Variants in PDE11A observed in about 807,000 individuals in gnomAD.
PDE11A encodes the protein dual 3',5'-cyclic-AMP and -GMP phosphodiesterase 11A.
Under a neutral mutation model 100.5 loss-of-function variants are expected in PDE11A, and 100 were observed. The ratio of observed to expected loss-of-function variants is 1.00; its 90% confidence interval spans 0.85 to 1.18. The LOEUF (loss-of-function observed/expected upper bound fraction) is 1.18. Among genes scored for constraint, PDE11A ranks in the 50% most tolerant of loss-of-function variants. The pLI is 0.00. For synonymous variants in PDE11A, 381 were observed against 420.8 expected (o/e 0.91, Z 1.16); for missense variants, 1,141 against 1,152.6 (o/e 0.99, Z 0.15).
chr2:177,797,251 C>G (rs1344955156), intron 9 of PDE11A: 1 of 152,122 alleles, frequency 6.6e-6, no homozygotes, highest in African/African-American at 2.4e-5. Flanking sequence ...TCAAAAGAGC[C>G]CTTGCGGTAC....
intron 19 of PDE11A, among the ~76,000 whole-genome samples, chr2:177,662,710 T>C (rs1305138654): frequency 6.6e-6 from 1 of 152,218 alleles, no homozygotes. Context: ...TAAGCAGTTG[T>C]AGATTATTTT....
At chr2:177,944,607 C>G (rs923239916) in intron 2 of PDE11A, among the ~76,000 whole-genome samples, 2 of 152,214 alleles carry the variant, frequency 1.3e-5, no homozygotes, top group African/African-American at 4.8e-5. Flanking sequence ...ATTGCTTGAT[C>G]TGTTACACAA....
chr2:177,717,351 C>T (rs909626483), intron 12 of PDE11A, among the ~76,000 whole-genome samples: 5 of 151,558 alleles, frequency 3.3e-5, no homozygotes, highest in African/African-American at 9.7e-5. Flanking sequence ...CAGGCCTGCA[C>T]GTACTGATAT....
At chr2:177,759,834 T>C (rs1378726670) in intron 10 of PDE11A, among the ~76,000 whole-genome samples, 2 of 152,218 alleles carry the variant, frequency 1.3e-5, no homozygotes, top group Non-Finnish European at 1.5e-5. Flanking sequence ...ACATTACGTA[T>C]TAATTGCCCA....
At chr2:177,804,443 G>C (rs988277506) in intron 9 of PDE11A, among the ~76,000 whole-genome samples, 1 of 151,944 alleles carries the variant, frequency 6.6e-6, no homozygotes, top group African/African-American at 2.4e-5. Context: ...ATATTGGCAA[G>C]GAGGCGGAGA....
chr2:177,638,104 A>G (rs2080078640), intron 19 of PDE11A, among the ~76,000 whole-genome samples: 1 of 146,604 alleles, frequency 6.8e-6, no homozygotes, highest in Admixed American at 6.9e-5. Flanking sequence ...GGTTCACGCC[A>G]TTCTCCTGCC....
chr2:178,044,138 AT>A, intron 1 of PDE11A, among the ~76,000 whole-genome samples: 1 of 152,104 alleles, frequency 6.6e-6, no homozygotes, highest in Non-Finnish European at 1.5e-5. Flanking sequence ...ATTAGCAAAG[AT>A]TGACTTCTGC....
At chr2:177,787,997 A>G in intron 9 of PDE11A, among the ~76,000 whole-genome samples, 1 of 151,990 alleles carries the variant, frequency 6.6e-6, no homozygotes, top group Non-Finnish European at 1.5e-5. Context: ...AAAGTTAACA[A>G]GGATACCCAG....
At chr2:177,736,812 A>C in intron 10 of PDE11A, among the ~76,000 whole-genome samples, 1 of 152,184 alleles carries the variant, frequency 6.6e-6, no homozygotes, top group East Asian at 1.9e-4. Context: ...TCTTCCTCCC[A>C]TGGAAGAGCG....
intron 19 of PDE11A, among the ~76,000 whole-genome samples, chr2:177,655,437 A>G (rs1006618140): frequency 6.6e-6 from 1 of 152,212 alleles, no homozygotes; most frequent in Non-Finnish European, 1.5e-5. Context: ...ATTATCATGC[A>G]TAATGTTGGA....
At chr2:177,939,043 G>A (rs981950170) in intron 2 of PDE11A, among the ~76,000 whole-genome samples, 14 of 152,172 alleles carry the variant, frequency 9.2e-5, no homozygotes, top group Admixed American at 7.9e-4. Flanking sequence ...CTCTAGAACC[G>A]TGAGGAAATA....
intron 1 of PDE11A, among the ~76,000 whole-genome samples, chr2:178,016,645 A>T (rs1574343645): frequency 6.6e-6 from 1 of 152,154 alleles, no homozygotes; most frequent in Admixed American, 6.5e-5. Flanking sequence ...TTTTATAGGG[A>T]TCAAGGAAGT....
chr2:177,770,446 C>T (rs945090297), intron 9 of PDE11A, among the ~76,000 whole-genome samples: 2 of 152,236 alleles, frequency 1.3e-5, no homozygotes, highest in Admixed American at 1.3e-4. Flanking sequence ...AGTTAAAAAC[C>T]CCAATTCGCA....
intron 3 of PDE11A, 63 bp from the exon 4 acceptor site, chr2:177,898,261 C>T: frequency 8.9e-7 from 1 of 1,117,400 alleles, no homozygotes; most frequent in Admixed American, 1.9e-5. Flanking sequence ...TGCTTTTCTT[C>T]TTAAAATTTA....
chr2:177,857,793 A>G (rs556657846), intron 5 of PDE11A, among the ~76,000 whole-genome samples: 1 of 152,118 alleles, frequency 6.6e-6, no homozygotes, highest in African/African-American at 2.4e-5. Context: ...TACAAGGGAC[A>G]TACTTTAGAT....
intron 4 of PDE11A, among the ~76,000 whole-genome samples, chr2:177,892,338 C>G (rs1478381286): frequency 6.6e-6 from 1 of 152,070 alleles, no homozygotes; most frequent in Non-Finnish European, 1.5e-5. Flanking sequence ...CCAAAACATT[C>G]ATAGAATAAT....
intron 10 of PDE11A, among the ~76,000 whole-genome samples, chr2:177,744,548 T>G (rs2081920797): frequency 6.6e-6 from 1 of 152,140 alleles, no homozygotes; most frequent in Admixed American, 6.5e-5. Flanking sequence ...TCAATCACTA[T>G]CTATCAGGTG....
At chr2:178,051,504 C>G (rs565769196) in intron 1 of PDE11A, among the ~76,000 whole-genome samples, 1 of 152,226 alleles carries the variant, frequency 6.6e-6, no homozygotes, top group South Asian at 2.1e-4. Flanking sequence ...TCACACATAA[C>G]AATATTAACC....
intron 5 of PDE11A, among the ~76,000 whole-genome samples, chr2:177,844,215 A>C (rs1382486794): frequency 6.6e-6 from 1 of 152,192 alleles, no homozygotes; most frequent in Non-Finnish European, 1.5e-5. Context: ...GACTAGGAAG[A>C]CCAAGATCAA....
Sources: gnomAD v4.1 joint callset for allele counts (sites outside exome capture counted in the v4.1 genomes callset) on GRCh38, gnomAD v4.1.1 for gene constraint, MANE v1.5 for transcripts, NCBI Gene and HGNC (gene_info 2026-07-23, HGNC 2026-07-21) for gene names.